Variants in TASP1 observed in about 807,000 individuals in gnomAD.
TASP1 encodes the protein taspase 1.
In TASP1, 16 loss-of-function variants were observed where a neutral mutation model predicts 56.6. The ratio of observed to expected loss-of-function variants is 0.28; its 90% CI spans 0.19 to 0.43. The LOEUF (loss-of-function observed/expected upper bound fraction) is 0.43. Ranked by LOEUF, TASP1 falls within the 20% of genes least tolerant of loss-of-function variation. The pLI, the probability that TASP1 is intolerant of heterozygous loss-of-function variation, is 1.00. For synonymous variants in TASP1, 179 were observed against 184.2 expected, an observed-to-expected ratio of 0.97 and a Z score of 0.23; for missense variants, 393 against 511.6, an observed-to-expected ratio of 0.77 and a Z score of 2.24.
chr20:13,202,478 G>A, the TASP1 span, among the ~76,000 whole-genome samples: 5 of 152,072 alleles, frequency 3.3e-5, no homozygotes, highest in African/African-American at 1.2e-4. Context: ...AGCTCACAAC[G>A]TTTCTGAAAT....
At chr20:13,210,107 T>G in the TASP1 span, among the ~76,000 whole-genome samples, 1 of 152,220 alleles carries the variant, frequency 6.6e-6, no homozygotes, top group Non-Finnish European at 1.5e-5. Context: ...TGTATTGTTT[T>G]GCATCTAGTT....
chr20:13,520,758 C>A (rs1415955571), intron 10 of TASP1, among the ~76,000 whole-genome samples: 3 of 152,040 alleles, frequency 2.0e-5, no homozygotes, highest in Admixed American at 6.6e-5. Flanking sequence ...GCAACAAAAG[C>A]CAAAATTGAC....
chr20:13,367,636 T>C, the TASP1 span, among the ~76,000 whole-genome samples: 1 of 152,236 alleles, frequency 6.6e-6, no homozygotes, highest in Admixed American at 6.5e-5. Context: ...TAAAAATTGA[T>C]GAATGAGTTA....
At chr20:13,178,681 A>C in the TASP1 span, among the ~76,000 whole-genome samples, 17 of 151,388 alleles carry the variant, frequency 1.1e-4, no homozygotes, top group Non-Finnish European at 1.9e-4. Flanking sequence ...TCACTCATAT[A>C]TGGAAGCTAA....
chr20:13,378,693 T>C, the TASP1 span, among the ~76,000 whole-genome samples: 1 of 152,326 alleles, frequency 6.6e-6, no homozygotes, highest in Non-Finnish European at 1.5e-5. Context: ...CTCCCACTAT[T>C]ATTCTGTGGG....
chr20:13,421,222 C>T (rs6042086), intron 12 of TASP1, among the ~76,000 whole-genome samples: 9,879 of 150,462 alleles, frequency 0.066, 486 homozygotes, highest in African/African-American at 0.14. Context: ...AAGCGATTCT[C>T]GATTCTCCTG....
chr20:13,234,823 T>G, the TASP1 span, among the ~76,000 whole-genome samples: 1 of 152,210 alleles, frequency 6.6e-6, no homozygotes, highest in Non-Finnish European at 1.5e-5. Context: ...TCTTGCTGAG[T>G]TGTTTGAGTT....
intron 11 of TASP1, among the ~76,000 whole-genome samples, chr20:13,477,671 A>G (rs954688502): frequency 2.6e-5 from 4 of 152,182 alleles, no homozygotes; most frequent in African/African-American, 9.6e-5. Context: ...ATATGTGTGT[A>G]ATCTTTTAAA....
chr20:13,310,684 T>C, the TASP1 span, among the ~76,000 whole-genome samples: 1 of 152,188 alleles, frequency 6.6e-6, no homozygotes, highest in Non-Finnish European at 1.5e-5. Context: ...GATATGGGGT[T>C]AATCCGAAAT....
In TASP1 at chr20:13,392,686, G is replaced by A; in HGVS notation, c.1171-2234C>T. ...TGCTAGCCACATCCCTGGTGAAGGTGAAGGCCAAAGTAAAAAGATTTGGCA... is the reference window on the plus strand; with the variant it reads ...TGCTAGCCACATCCCTGGTGAAGGTAAAGGCCAAAGTAAAAAGATTTGGCA... On this transcript the variant is annotated intron_variant, in intron 13 of 13. Transcript: ENST00000337743. 3 of 525,350 alleles carry A rather than the reference G, an allele frequency of 5.7e-6. No individual in the cohort carries two copies. In the East Asian group the frequency reaches 1.4e-4, roughly 24 times the overall value. The allele number at this position is 525,350 out of a possible 1,614,324, so 32.5% of individuals were successfully genotyped here.
At chr20:13,517,685 T>C (rs1422893740) in intron 10 of TASP1, among the ~76,000 whole-genome samples, 2 of 152,132 alleles carry the variant, frequency 1.3e-5, no homozygotes, top group Non-Finnish European at 2.9e-5. Context: ...AATCCACTCA[T>C]TTAAAATCTC....
chr20:13,277,956 G>T, the TASP1 span, among the ~76,000 whole-genome samples: 55 of 152,306 alleles, frequency 3.6e-4, no homozygotes, highest in Middle Eastern at 3.4e-3. Flanking sequence ...CAAAAGGAAG[G>T]GGTTATTTGT....
Position 13,553,606 on chromosome 20 carries a change from C to T in TASP1, c.675+5402G>A, listed in dbSNP as rs11906791. On this transcript the variant is annotated intron_variant, in intron 8 of 13. Transcript: ENST00000337743. ...GCCAATTACCAAGAATGGATAATTA[C>T]TAAGAATTTATGTTCCTCATTTTAA... 3.0e-4 allele frequency among the ~76,000 whole-genome samples: 45 copies of T among 152,212 alleles called. 1 individual carries two copies. The highest frequency in any genetic ancestry group is 1.1e-3 in the African/African-American group (45 of 41,546).
the TASP1 span, among the ~76,000 whole-genome samples, chr20:13,170,852 G>A: frequency 6.6e-6 from 1 of 152,268 alleles, no homozygotes; most frequent in Admixed American, 6.5e-5. Context: ...CAGCCCAAAT[G>A]TGTGGGGTTT....
chr20:13,227,207 T>G, the TASP1 span, among the ~76,000 whole-genome samples: 2 of 152,176 alleles, frequency 1.3e-5, no homozygotes, highest in African/African-American at 4.8e-5. Context: ...TTTTTCAAAT[T>G]TATTCATTTA....
chr20:13,564,928 C>T (rs2147108056), intron 7 of TASP1, among the ~76,000 whole-genome samples: 2 of 151,492 alleles, frequency 1.3e-5, no homozygotes, highest in East Asian at 3.9e-4. Flanking sequence ...ATTGTTTGAG[C>T]CCGGGAAGCG....
chr20:13,311,657 C>T, the TASP1 span, among the ~76,000 whole-genome samples: 4 of 152,224 alleles, frequency 2.6e-5, no homozygotes, highest in South Asian at 8.3e-4. Flanking sequence ...ACTTGGAGGA[C>T]ATTATGTTTA....
chr20:13,367,030 T>C, the TASP1 span, among the ~76,000 whole-genome samples: 1,032 of 152,320 alleles, frequency 6.8e-3, 17 homozygotes, highest in African/African-American at 0.024. Context: ...TTTAGTAACA[T>C]TGAAAGGCTC....
chr20:13,388,081 C>T (rs1034761553), downstream of TASP1, among the ~76,000 whole-genome samples: 5 of 152,212 alleles, frequency 3.3e-5, no homozygotes, highest in Admixed American at 6.5e-5. Context: ...ATCCAACACT[C>T]AGACCTTACA....
Sources: allele counts gnomAD v4.1 joint callset (sites outside exome capture counted in the v4.1 genomes callset), GRCh38; gene constraint gnomAD v4.1.1; transcripts MANE v1.5; gene names NCBI Gene and HGNC (gene_info 2026-07-23, HGNC 2026-07-21).